STX5: variants seen among roughly 807,000 people sequenced by gnomAD.
STX5 encodes the protein syntaxin-5.
In STX5, 15 loss-of-function variants were observed where a neutral mutation model predicts 42.9. The observed-to-expected ratio is 0.35, with a 90% CI of 0.23 to 0.54. The LOEUF is 0.54. Among genes scored for constraint, STX5 ranks in the 20% least tolerant of loss-of-function variants. The pLI is 0.91. For synonymous variants in STX5, 184 were observed against 173.2 expected, an observed-to-expected ratio of 1.06 and a Z score of -0.49; for missense variants, 430 against 455.0, an observed-to-expected ratio of 0.95 and a Z score of 0.50.
intron 10 of STX5, among the ~76,000 whole-genome samples, chr11:62,822,380 C>T (rs2084749468): frequency 6.6e-6 from 1 of 152,078 alleles, no homozygotes; most frequent in Non-Finnish European, 1.5e-5. Flanking sequence ...GAAAAACTAA[C>T]CCCTGCAATG....
chr11:62,819,297 A>G (rs1161922561), intron 10 of STX5, among the ~76,000 whole-genome samples: 1 of 148,966 alleles, frequency 6.7e-6, no homozygotes, highest in East Asian at 2.0e-4. Flanking sequence ...TTAGTGAAAA[A>G]GATTTCAGTT....
chr11:62,828,726 A>AAAAT (rs752238315), intron 2 of STX5, among the ~76,000 whole-genome samples: 4,551 of 109,712 alleles, frequency 0.041, 178 homozygotes, highest in African/African-American at 0.12. Context: ...ACTCCGTCTC[A>AAAAT]AAATAAATAA....
intron 10 of STX5, among the ~76,000 whole-genome samples, chr11:62,810,487 C>A (rs779577170): frequency 2.0e-5 from 3 of 152,094 alleles, no homozygotes; most frequent in Non-Finnish European, 4.4e-5. Flanking sequence ...AAGTTAGTGA[C>A]TACAGGTGAA....
chr11:62,828,348 C>T (rs560602781), intron 2 of STX5, among the ~76,000 whole-genome samples: 8 of 152,074 alleles, frequency 5.3e-5, no homozygotes, highest in East Asian at 1.9e-4. Flanking sequence ...CCTAGGCTCA[C>T]GCAATCCTCC....
chr11:62,825,680 T>C (rs1565214542), intron 5 of STX5, 141 bp from the exon 6 acceptor site: 2 of 774,616 alleles, frequency 2.6e-6, no homozygotes, highest in Non-Finnish European at 4.3e-6. Flanking sequence ...TCAGACCAGA[T>C]GGGCCTGCTA....
intron 10 of STX5, among the ~76,000 whole-genome samples, chr11:62,821,511 G>A (rs1434445839): frequency 6.7e-6 from 1 of 148,968 alleles, no homozygotes; most frequent in Non-Finnish European, 1.5e-5. Flanking sequence ...GATTGCCTGA[G>A]GTCAGGAGGT....
At chr11:62,825,256 T>C (rs1419600767) in intron 7 of STX5, 27 bp downstream of exon 7, 6 of 1,613,942 alleles carry the variant, frequency 3.7e-6, no homozygotes, top group Non-Finnish European at 4.2e-6. Flanking sequence ...CCCATATTCC[T>C]ACCCCTCCTA....
At chr11:62,830,867 CT>C (rs2084849147) in intron 2 of STX5, 151 bp downstream of exon 2, 4 of 772,294 alleles carry the variant, frequency 5.2e-6, no homozygotes, top group Non-Finnish European at 8.8e-6. Flanking sequence ...GACCTCTTCT[CT>C]GTTGCTTATA....
At chr11:62,819,443 G>A (rs1464098788) in intron 10 of STX5, among the ~76,000 whole-genome samples, 1 of 151,584 alleles carries the variant, frequency 6.6e-6, no homozygotes, top group African/African-American at 2.4e-5. Flanking sequence ...GAGGAATGAA[G>A]AACACTGAAG....
Position 62,825,035 on chromosome 11 carries a change from C to G in STX5, c.679+1G>C. ...GGCTCCCCGTTTTACCTGTGACTTACCCAGGTGGTTAGGGGCAAGGGGCAG... is the reference window on the plus strand; with the variant it reads ...GGCTCCCCGTTTTACCTGTGACTTAGCCAGGTGGTTAGGGGCAAGGGGCAG... On this transcript the variant is annotated splice_donor_variant, in intron 8 of 10. Transcript: ENST00000294179. LOFTEE classifies it high-confidence loss of function. The G allele has an allele frequency of 6.2e-7, 1 of 1,613,886 alleles. No homozygotes were observed. The highest frequency in any genetic ancestry group is 8.5e-7 in the Non-Finnish European group (1 of 1,180,000).
rs902444659 is a variant in STX5 at position 62,807,624 on chromosome 11, C to T, written c.913G>A (p.Asp305Asn). ...KEQEETIQRI[D>N]ENVLGAQLDV... ...AGCTGGGCTCCTAGCACGTTCTCGT[C>T]GATCCTGGGGACAAGGCCGGGAGAA... The change falls in exon 11 of 11, where the codon GAC (aspartate) becomes AAC (asparagine). Residue 305 changes from aspartate (D) to asparagine (N), a missense_variant. Asp to Asn is a conservative substitution (Grantham distance 23). Coordinates refer to ENST00000294179, the MANE Select transcript of STX5 (RefSeq NM_003164.5). 7 of 1,613,860 alleles carry T rather than the reference C, an allele frequency of 4.3e-6. No individual in the cohort carries two copies. The African/African-American group carries it at 6.7e-5, about 15-fold the overall frequency.
In STX5 at chr11:62,831,972, C is replaced by T. The variant is rs1437078822; in HGVS notation, c.-38G>A. 5 of 462,528 alleles carry T rather than the reference C, an allele frequency of 1.1e-5. No individual in the cohort carries two copies. The highest frequency in any genetic ancestry group is 9.9e-5 in the African/African-American group (5 of 50,332). The allele number at this position is 462,528 out of a possible 1,614,324, so 28.7% of individuals were successfully genotyped here. Reference sequence around the variant, plus strand: ...ATCTTACCTCCCCTCTGCCGCCTGCCGCCGCCGCCACTTCCAATCTCACCG... The same window carrying T: ...ATCTTACCTCCCCTCTGCCGCCTGCTGCCGCCGCCACTTCCAATCTCACCG... On this transcript the variant is annotated 5_prime_UTR_variant, in exon 1 of 11. Transcript: ENST00000294179.
rs144299899 is a variant in STX5, at chr11:62,825,305, G to A, written c.575C>T (p.Ser192Leu). The A allele has an allele frequency of 2.3e-4, 374 of 1,614,048 alleles. No individual in the cohort carries two copies. The highest frequency in any genetic ancestry group is 3.0e-4 in the Non-Finnish European group (355 of 1,180,024). ...CACCTCTGTCCTCACTTCTAAAACC[G>A]ATTTGAAGTCATTGGACATAGAAGC... ...KLASMSNDFK[S>L]VLEVRTENLK... Residue 192 changes from serine (S) to leucine (L), a missense_variant, in exon 7 of 11, where the codon TCG becomes TTG. Coordinates refer to ENST00000294179, the MANE Select transcript of STX5 (RefSeq NM_003164.5).
At chr11:62,823,845 G>A in intron 10 of STX5, 1 of 328,052 alleles carries the variant, frequency 3.0e-6, no homozygotes, top group Admixed American at 4.3e-5. Context: ...GAGTCACTGT[G>A]CCAGCCTTGT....
At chr11:62,816,657 T>G (rs1590966594) in intron 10 of STX5, among the ~76,000 whole-genome samples, 2 of 150,756 alleles carry the variant, frequency 1.3e-5, no homozygotes, top group Non-Finnish European at 3.0e-5. Context: ...TTCTCCATTT[T>G]GAAGCAAAAC....
intron 5 of STX5, 25 bp downstream of exon 5, chr11:62,827,130 G>A (rs1276285881): frequency 1.9e-6 from 3 of 1,604,172 alleles, no homozygotes; most frequent in Admixed American, 3.3e-5. Context: ...GGAATGCTGG[G>A]CTCTCCTGAT....
intron 10 of STX5, among the ~76,000 whole-genome samples, chr11:62,812,568 G>A (rs2084629389): frequency 6.6e-6 from 1 of 151,778 alleles, no homozygotes; most frequent in Non-Finnish European, 1.5e-5. Flanking sequence ...ACAGGCGCCG[G>A]TCACCACACC....
chr11:62,807,600 G>T lies in STX5; in HGVS notation c.937C>A (p.Leu313Met), dbSNP rs149476894. 17 of 1,614,014 alleles carry T rather than the reference G, an allele frequency of 1.1e-5. 1 individual carries two copies. The highest frequency in any genetic ancestry group is 1.4e-5 in the Non-Finnish European group (17 of 1,180,034). ...RIDENVLGAQLDVEAAHSEIL... is the reference protein window; with the variant it reads ...RIDENVLGAQMDVEAAHSEIL... ...TCTGAATGGGCGGCCTCAACGTCCA[G>T]CTGGGCTCCTAGCACGTTCTCGTCG... Residue 313 changes from leucine (L) to methionine (M), a missense_variant, in exon 11 of 11, where the codon CTG becomes ATG. Coordinates refer to ENST00000294179, the MANE Select transcript of STX5 (RefSeq NM_003164.5).
chr11:62,830,970 T>C (rs1390892242), intron 2 of STX5, 49 bp downstream of exon 2: 4 of 1,493,426 alleles, frequency 2.7e-6, no homozygotes, highest in Non-Finnish European at 3.7e-6. Flanking sequence ...CAGTCCTTCC[T>C]AGATTTGAGT....
Sources: gnomAD v4.1 joint callset for allele counts (sites outside exome capture counted in the v4.1 genomes callset) on GRCh38, gnomAD v4.1.1 for gene constraint, MANE v1.5 for transcripts, NCBI Gene and HGNC (gene_info 2026-07-23, HGNC 2026-07-21) for gene names.